Variants in ADAM10 observed in about 807,000 individuals in gnomAD.
The protein encoded by ADAM10 is ADAM metallopeptidase domain 10, also known as disintegrin and metalloproteinase domain-containing protein 10.
A neutral mutation model predicts 90.1 loss-of-function variants in ADAM10; 17 were observed. That is an observed-to-expected ratio of 0.19 (90% confidence interval 0.13 to 0.28). The LOEUF is 0.28. Ranked by LOEUF, ADAM10 falls within the 10% of genes least tolerant of loss-of-function variation. The pLI is 1.00. For synonymous variants in ADAM10, 310 were observed against 298.6 expected, an observed-to-expected ratio of 1.04 and a Z score of -0.40; for missense variants, 610 against 914.3, an observed-to-expected ratio of 0.67 and a Z score of 4.29.
chr15:58,656,004 C>A (rs926438811), intron 5 of ADAM10, among the ~76,000 whole-genome samples: 1 of 151,824 alleles, frequency 6.6e-6, no homozygotes, highest in African/African-American at 2.4e-5. Context: ...ACCTCAGCCT[C>A]CCAAACTGCT....
At chr15:58,649,593 T>C (rs1384769046) in intron 5 of ADAM10, among the ~76,000 whole-genome samples, 1 of 152,210 alleles carries the variant, frequency 6.6e-6, no homozygotes, top group Non-Finnish European at 1.5e-5. Context: ...AGGATGGCAG[T>C]TTCTCTGTTT....
intron 12 of ADAM10, 160 bp downstream of exon 12, chr15:58,611,648 A>G (rs1236210754): frequency 1.5e-6 from 1 of 664,168 alleles, no homozygotes; most frequent in Non-Finnish European, 2.5e-6. Flanking sequence ...ATTAGTAGCT[A>G]ATTGAATGCC....
intron 2 of ADAM10, chr15:58,692,025 C>A: frequency 2.2e-6 from 1 of 463,410 alleles, no homozygotes; most frequent in East Asian, 6.7e-5. Flanking sequence ...TTTTGCTCTG[C>A]TGGAGCATTT....
At chr15:58,686,438 C>A (rs1897604949) in intron 2 of ADAM10, 4 of 1,366,254 alleles carry the variant, frequency 2.9e-6, no homozygotes, top group South Asian at 1.2e-5. Flanking sequence ...CGCGAGCGCC[C>A]TGCAGTGCCT....
rs1894861901 is a variant in ADAM10, at chr15:58,593,148, AATTTTTTTTTTTTT to A, written c.*4385_*4398del. The A allele has an allele frequency of 2.7e-5, 3 of 110,582 alleles. No individual in the cohort carries two copies. Among genetic ancestry groups the A allele is most frequent in the African/African-American group, 9.3e-5 (3 of 32,310 alleles). 6.9% of individuals were successfully genotyped at this position (110,582 alleles called of 1,614,324 possible). ...AAAAGTAACAAAGGCCAGGTACTCAAATTTTTTTTTTTTTTTTTTTTTTTTTTTTTTTTTTTTTT... is the reference window on the plus strand; with the variant it reads ...AAAAGTAACAAAGGCCAGGTACTCAATTTTTTTTTTTTTTTTTTTTTTTTT... On this transcript the variant is annotated 3_prime_UTR_variant, in exon 16 of 16. Transcript: ENST00000260408.
At chr15:58,688,696 G>A (rs1027182134) in intron 2 of ADAM10, among the ~76,000 whole-genome samples, 2 of 147,780 alleles carry the variant, frequency 1.4e-5, no homozygotes, top group Admixed American at 6.8e-5. Flanking sequence ...AGAGAGGAGA[G>A]AGGGAAAGGA....
chr15:58,610,588 G>A (rs1895411585), intron 13 of ADAM10, 71 bp from the exon 14 acceptor site: 2 of 1,469,164 alleles, frequency 1.4e-6, no homozygotes, highest in Non-Finnish European at 1.9e-6. Context: ...ATTTCCAGTT[G>A]TGCAAATACA....
intron 9 of ADAM10, among the ~76,000 whole-genome samples, chr15:58,630,853 T>C (rs371586160): frequency 1.3e-5 from 2 of 152,320 alleles, no homozygotes; most frequent in South Asian, 2.1e-4. Flanking sequence ...CATTGTATAA[T>C]TTGGATGTCT....
At chr15:58,675,976 C>G (rs932434425) in intron 4 of ADAM10, among the ~76,000 whole-genome samples, 16 of 152,074 alleles carry the variant, frequency 1.1e-4, no homozygotes, top group African/African-American at 3.6e-4. Context: ...TACTTTACTT[C>G]TGAAAATAAA....
chr15:58,635,316 A>G (rs1323234215), intron 8 of ADAM10, among the ~76,000 whole-genome samples: 1 of 151,496 alleles, frequency 6.6e-6, no homozygotes, highest in Non-Finnish European at 1.5e-5. Flanking sequence ...GAAAATACAA[A>G]TAACATGCCC....
chr15:58,637,950 T>C (rs1460343644), intron 8 of ADAM10, among the ~76,000 whole-genome samples: 1 of 150,990 alleles, frequency 6.6e-6, no homozygotes. Flanking sequence ...AAAAAAAAAA[T>C]GTCAAATATG....
intron 2 of ADAM10, among the ~76,000 whole-genome samples, chr15:58,700,227 C>A (rs1240392861): frequency 6.6e-6 from 1 of 152,176 alleles, no homozygotes; most frequent in African/African-American, 2.4e-5. Flanking sequence ...TTAAACTGCA[C>A]ATTGGACCAA....
rs974906034 is a variant in ADAM10 at position 58,594,291 on chromosome 15, T to A, written c.*3256A>T. 6.6e-6 allele frequency: 1 copy of A among 152,198 alleles called. No homozygotes were observed. The highest frequency in any genetic ancestry group is 1.5e-5 in the Non-Finnish European group (1 of 68,016). 9.4% of individuals were successfully genotyped at this position (152,198 alleles called of 1,614,324 possible). ...ACACTCTGATACCTTCAATTAGAAA[T>A]ACTTAATAAGAAATGCCTTCTCATG... On this transcript the variant is annotated 3_prime_UTR_variant, in exon 16 of 16. Transcript: ENST00000260408.
chr15:58,641,213 A>T (rs776888449), intron 7 of ADAM10, among the ~76,000 whole-genome samples: 6 of 152,250 alleles, frequency 3.9e-5, no homozygotes, highest in Non-Finnish European at 8.8e-5. Context: ...CTGAGCAAGT[A>T]TTCACCAGAT....
intron 4 of ADAM10, among the ~76,000 whole-genome samples, chr15:58,678,453 T>C (rs1340517564): frequency 4.6e-5 from 7 of 152,094 alleles, no homozygotes; most frequent in African/African-American, 1.7e-4. Flanking sequence ...AAATAATAAA[T>C]GGGTATTCAA....
chr15:58,636,669 T>G (rs1896263313), intron 8 of ADAM10, among the ~76,000 whole-genome samples: 1 of 152,140 alleles, frequency 6.6e-6, no homozygotes, highest in Admixed American at 6.5e-5. Flanking sequence ...CAGGATAGTT[T>G]GAGAGCTAAA....
intron 10 of ADAM10, among the ~76,000 whole-genome samples, chr15:58,622,970 G>A (rs1487299635): frequency 1.3e-5 from 2 of 152,094 alleles, no homozygotes; most frequent in African/African-American, 4.8e-5. Flanking sequence ...CTAGGTCTAC[G>A]ATCTGGTGCT....
At chr15:58,629,062 C>G (rs1896027374) in intron 9 of ADAM10, among the ~76,000 whole-genome samples, 1 of 152,154 alleles carries the variant, frequency 6.6e-6, no homozygotes, top group Admixed American at 6.5e-5. Context: ...AGGTGTAGCA[C>G]TAGAATTATT....
intron 4 of ADAM10, among the ~76,000 whole-genome samples, chr15:58,666,854 T>C (rs1158070155): frequency 6.6e-6 from 1 of 152,104 alleles, no homozygotes; most frequent in African/African-American, 2.4e-5. Flanking sequence ...AAAACAGTAT[T>C]TATATATGCT....
Sources: gnomAD v4.1 joint callset for allele counts (sites outside exome capture counted in the v4.1 genomes callset) on GRCh38, gnomAD v4.1.1 for gene constraint, MANE v1.5 for transcripts, NCBI Gene and HGNC (gene_info 2026-07-23, HGNC 2026-07-21) for gene names.